Variants in NKAIN3 observed in about 807,000 individuals in gnomAD.
NKAIN3 encodes sodium/potassium transporting ATPase interacting 3.
NKAIN3 carries 25 observed loss-of-function variants against 30.2 expected under a neutral mutation model. The ratio of observed to expected loss-of-function variants is 0.83; its 90% CI spans 0.60 to 1.16. The LOEUF is 1.16. Ranked by LOEUF, NKAIN3 falls within the 50% of genes most tolerant of loss-of-function variation. The pLI is 0.00. For synonymous variants in NKAIN3, 91 were observed against 89.6 expected, an observed-to-expected ratio of 1.02 and a Z score of -0.09; for missense variants, 225 against 254.1, an observed-to-expected ratio of 0.89 and a Z score of 0.78.
At chr8:62,738,472 G>A (rs934825985) in intron 3 of NKAIN3, among the ~76,000 whole-genome samples, 1 of 151,902 alleles carries the variant, frequency 6.6e-6, no homozygotes, top group African/African-American at 2.4e-5. Flanking sequence ...GGTGGCATGT[G>A]CCTGTAATCC....
At chr8:62,686,003 G>A (rs888100261) in intron 3 of NKAIN3, among the ~76,000 whole-genome samples, 4 of 152,008 alleles carry the variant, frequency 2.6e-5, no homozygotes, top group Admixed American at 1.3e-4. Context: ...GGAAGCCATG[G>A]TCAGATGCCA....
intron 1 of NKAIN3, among the ~76,000 whole-genome samples, chr8:62,512,107 A>G (rs1289796907): frequency 1.3e-5 from 2 of 152,232 alleles, no homozygotes; most frequent in East Asian, 1.9e-4. Flanking sequence ...CTTTTATACC[A>G]TGAAATTCTG....
At chr8:62,579,291 C>A (rs1419863499) in intron 1 of NKAIN3, among the ~76,000 whole-genome samples, 1 of 151,836 alleles carries the variant, frequency 6.6e-6, no homozygotes, top group Non-Finnish European at 1.5e-5. Flanking sequence ...AGAGGTGTAC[C>A]TCTCACTCTC....
At chr8:62,359,505 T>G (rs1361675499) in intron 1 of NKAIN3, among the ~76,000 whole-genome samples, 1 of 152,154 alleles carries the variant, frequency 6.6e-6, no homozygotes, top group Non-Finnish European at 1.5e-5. Flanking sequence ...CAGAGAGACT[T>G]CCTCAGGATC....
intron 4 of NKAIN3, among the ~76,000 whole-genome samples, chr8:62,748,067 C>T (rs57647254): frequency 0.088 from 13,355 of 152,278 alleles, 608 homozygotes; most frequent in Middle Eastern, 0.092. Flanking sequence ...TAACAAACCA[C>T]TCCAAAATGC....
At chr8:62,988,621 G>T (rs1824253778), downstream of NKAIN3, among the ~76,000 whole-genome samples, 1 of 152,244 alleles carries the variant, frequency 6.6e-6, no homozygotes, top group Admixed American at 6.5e-5. Flanking sequence ...AGGGCACCAA[G>T]TCCCTTGGAT....
intron 2 of NKAIN3, among the ~76,000 whole-genome samples, chr8:62,580,949 A>AG (rs1356641860): frequency 6.7e-6 from 1 of 148,872 alleles, no homozygotes; most frequent in Non-Finnish European, 1.5e-5. Flanking sequence ...CTACAAAAAA[A>AG]TACAAAAAGT....
At chr8:62,524,682 C>A (rs758158939) in intron 1 of NKAIN3, among the ~76,000 whole-genome samples, 1 of 152,164 alleles carries the variant, frequency 6.6e-6, no homozygotes, top group Non-Finnish European at 1.5e-5. Flanking sequence ...TAGCTACTTA[C>A]AACATTTCAA....
At position 62,255,879 on chromosome 8, in the gene NKAIN3, A is replaced by G. The variant is rs143531124; in HGVS notation, c.54+6752A>G. Among the ~76,000 whole-genome samples the G allele has an allele frequency of 4.6e-5, 7 of 152,188 alleles. No individual in the cohort carries two copies. The East Asian group carries it at 1.2e-3, about 25-fold the overall frequency. On this transcript the variant is annotated intron_variant, in intron 1 of 6. Transcript: ENST00000623646. The stretch of plus-strand genomic sequence containing the variant: ...GCTCAGGCTCACCAGGATCTATTGG[A>G]TAGAAATATTTTGGAGAAGGGCTCA...
At chr8:62,319,014 T>C (rs2129589228) in intron 1 of NKAIN3, among the ~76,000 whole-genome samples, 1 of 152,308 alleles carries the variant, frequency 6.6e-6, no homozygotes, top group Non-Finnish European at 1.5e-5. Flanking sequence ...TTTCAGAGCC[T>C]GTTATTGGTC....
At chr8:62,279,210 C>G (rs555582760) in intron 1 of NKAIN3, among the ~76,000 whole-genome samples, 1 of 152,190 alleles carries the variant, frequency 6.6e-6, no homozygotes, top group African/African-American at 2.4e-5. Context: ...CCTTCACCCA[C>G]TTTTGATAGG....
At chr8:62,613,654 A>AT (rs1184498547) in intron 3 of NKAIN3, among the ~76,000 whole-genome samples, 1 of 151,580 alleles carries the variant, frequency 6.6e-6, no homozygotes, top group East Asian at 1.9e-4. Context: ...AGTGACTTAG[A>AT]TTTTCCCTTT....
intron 1 of NKAIN3, among the ~76,000 whole-genome samples, chr8:62,265,743 GAT>G (rs1812581571): frequency 6.6e-6 from 1 of 152,150 alleles, no homozygotes; most frequent in Non-Finnish European, 1.5e-5. Flanking sequence ...TTTATACAAA[GAT>G]GTGGCATTAA....
At chr8:62,717,795 AGGTGTAAGAACAAAGTATAT>A (rs1262156112) in intron 3 of NKAIN3, among the ~76,000 whole-genome samples, 2 of 152,222 alleles carry the variant, frequency 1.3e-5, no homozygotes, top group African/African-American at 4.8e-5. Flanking sequence ...CAAAAATGAT[AGGTGTAAGAACAAAGTATAT>A]GGCTTTTTGA....
rs141714354 is a variant in NKAIN3 at position 62,404,847 on chromosome 8, C to A, written c.54+155720C>A. Among the ~76,000 whole-genome samples the A allele has an allele frequency of 2.9e-4, 44 of 152,204 alleles. 1 individual carries two copies. The East Asian group carries it at 7.8e-3, about 27-fold the overall frequency. On this transcript the variant is annotated intron_variant, in intron 1 of 6. Coordinates refer to ENST00000623646, the MANE Select transcript of NKAIN3 (RefSeq NM_001304533.3). ...TAGTTTCTTCCCATGGCCACCATAG[C>A]TGAGAATGTGTTAGGTCACACCGAA... is the stretch of plus-strand genomic sequence containing the variant.
At chr8:62,360,233 C>T (rs1436571307) in intron 1 of NKAIN3, among the ~76,000 whole-genome samples, 1 of 152,148 alleles carries the variant, frequency 6.6e-6, no homozygotes, top group Non-Finnish European at 1.5e-5. Flanking sequence ...ATGGAATCTC[C>T]AAGTGGATGG....
intron 3 of NKAIN3, among the ~76,000 whole-genome samples, chr8:62,708,268 G>A (rs980663369): frequency 1.3e-5 from 2 of 152,046 alleles, no homozygotes; most frequent in Non-Finnish European, 2.9e-5. Flanking sequence ...GAGGAATGAT[G>A]TGGTATTTTG....
intron 1 of NKAIN3, among the ~76,000 whole-genome samples, chr8:62,509,846 C>G (rs1807765662): frequency 6.6e-6 from 1 of 152,042 alleles, no homozygotes; most frequent in Admixed American, 6.5e-5. Context: ...TGGCAAAGCA[C>G]CTATTATAGG....
intron 4 of NKAIN3, among the ~76,000 whole-genome samples, chr8:62,844,600 A>G (rs923838460): frequency 1.3e-5 from 2 of 152,182 alleles, no homozygotes; most frequent in African/African-American, 4.8e-5. Flanking sequence ...TTTTACTTCA[A>G]CGTTAACAGA....
Sources: allele counts gnomAD v4.1 joint callset (sites outside exome capture counted in the v4.1 genomes callset), GRCh38; gene constraint gnomAD v4.1.1; transcripts MANE v1.5; gene names NCBI Gene and HGNC (gene_info 2026-07-23, HGNC 2026-07-21).